PLPP4: variants seen among roughly 807,000 people sequenced by gnomAD.
PLPP4 encodes diacylglycerol pyrophosphate like 2.
A neutral mutation model predicts 32.2 loss-of-function variants in PLPP4; 20 were observed. The observed-to-expected ratio is 0.62, with a 90% CI of 0.44 to 0.90. The LOEUF (loss-of-function observed/expected upper bound fraction) is 0.90. Among genes scored for constraint, PLPP4 ranks in the 40% least tolerant of loss-of-function variants. The pLI is 0.00. For missense variants in PLPP4, 257 were observed against 353.1 expected (o/e 0.73, Z 2.18); for synonymous variants, 127 against 133.0 (o/e 0.95, Z 0.31).
chr10:120,513,955 A>G lies in PLPP4; in HGVS notation c.210A>G (p.Lys70=), dbSNP rs1845833203. The change falls in exon 3 of 7, where the codon AAA becomes AAG. Residue 70 remains lysine, a synonymous_variant. Coordinates refer to ENST00000398250, the MANE Select transcript of PLPP4 (RefSeq NM_001030059.3). ...LTPLAVICVV[K]IIRRTDKTEI... Reference sequence around the variant, plus strand: ...CCCTGGCTGTTATTTGTGTGGTGAAAATTATCCGGCGAACAGACAAGACTG... The same window carrying G: ...CCCTGGCTGTTATTTGTGTGGTGAAGATTATCCGGCGAACAGACAAGACTG... 3 of 1,614,026 alleles carry G rather than the reference A, an allele frequency of 1.9e-6. No homozygotes were observed. The highest frequency in any genetic ancestry group is 1.3e-5 in the African/African-American group (1 of 75,034).
At chr10:120,516,511 T>TTCA (rs1554886736) in intron 3 of PLPP4, among the ~76,000 whole-genome samples, 2 of 151,972 alleles carry the variant, frequency 1.3e-5, no homozygotes, top group Non-Finnish European at 2.9e-5. Flanking sequence ...CTGAATTTCC[T>TTCA]ACAACAAAAG....
chr10:120,472,105 A>T (rs181471166), intron 1 of PLPP4, among the ~76,000 whole-genome samples: 9 of 152,180 alleles, frequency 5.9e-5, no homozygotes, highest in Non-Finnish European at 1.0e-4. Flanking sequence ...TTTTTACTTT[A>T]AGCAATCAAT....
intron 1 of PLPP4, among the ~76,000 whole-genome samples, chr10:120,497,977 T>A (rs1179980857): frequency 3.3e-5 from 5 of 151,982 alleles, no homozygotes. Flanking sequence ...GAGGCGGAGC[T>A]TGCAGTGAGC....
intron 1 of PLPP4, among the ~76,000 whole-genome samples, chr10:120,461,945 G>C (rs145239843): frequency 1.6e-4 from 25 of 152,332 alleles, no homozygotes; most frequent in African/African-American, 6.0e-4. Flanking sequence ...GAGGGCACTG[G>C]ATGTCAGGTA....
intron 5 of PLPP4, among the ~76,000 whole-genome samples, chr10:120,523,621 A>AT (rs1374131791): frequency 2.0e-5 from 3 of 151,794 alleles, no homozygotes; most frequent in Non-Finnish European, 4.4e-5. Context: ...GTTCTCTTAG[A>AT]TTTTTTCTCC....
At chr10:120,496,073 A>G (rs1275380018) in intron 1 of PLPP4, among the ~76,000 whole-genome samples, 1 of 152,158 alleles carries the variant, frequency 6.6e-6, no homozygotes, top group Non-Finnish European at 1.5e-5. Context: ...ATTTCAGTAT[A>G]ATCTTTTGTT....
At chr10:120,543,879 A>G (rs1847481761) in intron 5 of PLPP4, among the ~76,000 whole-genome samples, 2 of 152,068 alleles carry the variant, frequency 1.3e-5, no homozygotes, top group Non-Finnish European at 2.9e-5. Context: ...TCTTGTTGTG[A>G]CTGTTTTCTT....
chr10:120,572,833 C>G (rs12771003), intron 5 of PLPP4, among the ~76,000 whole-genome samples: 92,370 of 152,076 alleles, frequency 0.61, 28,095 homozygotes, highest in Admixed American at 0.66. Flanking sequence ...GTGCTTGCTA[C>G]GTTGGTGGCC....
intron 5 of PLPP4, among the ~76,000 whole-genome samples, chr10:120,537,092 G>A (rs1043592913): frequency 1.3e-5 from 2 of 152,106 alleles, no homozygotes; most frequent in Non-Finnish European, 2.9e-5. Context: ...CTGTTGGTGG[G>A]GATGTAAATT....
intron 2 of PLPP4, among the ~76,000 whole-genome samples, chr10:120,509,977 A>G (rs1360916918): frequency 1.3e-5 from 2 of 152,022 alleles, no homozygotes; most frequent in Non-Finnish European, 2.9e-5. Flanking sequence ...TCTGGGTGCA[A>G]CTCCTCATTT....
chr10:120,551,988 A>G (rs1008758414), intron 5 of PLPP4, among the ~76,000 whole-genome samples: 1 of 152,120 alleles, frequency 6.6e-6, no homozygotes, highest in Non-Finnish European at 1.5e-5. Flanking sequence ...TGTAAATTCC[A>G]TAAGGCCAAA....
chr10:120,485,147 A>G (rs1844386962), intron 1 of PLPP4, among the ~76,000 whole-genome samples: 1 of 152,342 alleles, frequency 6.6e-6, no homozygotes, highest in African/African-American at 2.4e-5. Flanking sequence ...GACTTCCAGA[A>G]CTTGTGTTAC....
intron 5 of PLPP4, among the ~76,000 whole-genome samples, chr10:120,523,454 T>C (rs990271014): frequency 5.9e-5 from 9 of 152,184 alleles, no homozygotes; most frequent in Non-Finnish European, 4.4e-5. Context: ...TTGGAGGCCT[T>C]GTAGTTACCA....
chr10:120,479,109 C>T (rs888434645), intron 1 of PLPP4, among the ~76,000 whole-genome samples: 2 of 152,064 alleles, frequency 1.3e-5, no homozygotes, highest in African/African-American at 4.8e-5. Context: ...GCCTGTAGTC[C>T]CAGCTACTTG....
At chr10:120,558,361 T>C (rs1217465013) in intron 5 of PLPP4, among the ~76,000 whole-genome samples, 1 of 151,814 alleles carries the variant, frequency 6.6e-6, no homozygotes, top group African/African-American at 2.4e-5. Flanking sequence ...GAGATTCTTC[T>C]ATTTATTGAT....
intron 1 of PLPP4, among the ~76,000 whole-genome samples, chr10:120,479,068 T>C (rs1844071547): frequency 1.3e-5 from 2 of 152,098 alleles, no homozygotes; most frequent in East Asian, 3.9e-4. Flanking sequence ...CTACTAAAAA[T>C]ACAAAAAATT....
At chr10:120,473,901 CT>C (rs1160006575) in intron 1 of PLPP4, among the ~76,000 whole-genome samples, 1 of 152,178 alleles carries the variant, frequency 6.6e-6, no homozygotes, top group East Asian at 1.9e-4. Context: ...AGTTAAACCT[CT>C]TTTCTTTATA....
chr10:120,496,513 AATC>A (rs1322009720), intron 1 of PLPP4, among the ~76,000 whole-genome samples: 1 of 152,186 alleles, frequency 6.6e-6, no homozygotes, highest in Non-Finnish European at 1.5e-5. Context: ...GGGGCACTCC[AATC>A]TAGACATCTT....
intron 5 of PLPP4, among the ~76,000 whole-genome samples, chr10:120,537,786 A>G (rs371041235): frequency 1.8e-4 from 28 of 152,210 alleles, no homozygotes; most frequent in African/African-American, 6.0e-4. Flanking sequence ...AAAATATCAC[A>G]TCGTATGCTT....
Sources: gnomAD v4.1 joint callset for allele counts (sites outside exome capture counted in the v4.1 genomes callset) on GRCh38, gnomAD v4.1.1 for gene constraint, MANE v1.5 for transcripts, NCBI Gene and HGNC (gene_info 2026-07-23, HGNC 2026-07-21) for gene names.